The following ZNF771 variants were observed in gnomAD, a reference collection of about 807,000 sequenced individuals.
ZNF771 encodes the protein zinc finger protein 771, also known as mesenchymal stem cell protein DSC43.
Under a neutral mutation model 27.6 loss-of-function variants are expected in ZNF771, and 10 were observed. The ratio of observed to expected loss-of-function variants is 0.36; its 90% confidence interval spans 0.22 to 0.61. The LOEUF (loss-of-function observed/expected upper bound fraction) is 0.61, where lower values mean the gene tolerates loss of function less well. Among genes scored for constraint, ZNF771 ranks in the 20% least tolerant of loss-of-function variants. The probability of loss-of-function intolerance (pLI) is 0.70; values close to 1 mark genes in which losing one functional copy is unlikely to be tolerated. For synonymous variants in ZNF771, 261 were observed against 225.2 expected, an observed-to-expected ratio of 1.16 and a Z score of -1.43; for missense variants, 438 against 503.7, an observed-to-expected ratio of 0.87 and a Z score of 1.25.
In ZNF771 at chr16:30,417,722, G is replaced by A; in HGVS notation, c.309G>A (p.Lys103=). Residue 103 remains lysine, a synonymous_variant, in exon 3 of 3, where the codon AAG becomes AAA. Transcript: ENST00000319296. ...CTECGRRFSQ[K]SALTKHGRTH... Reference sequence around the variant, plus strand: ...AGTGCGGGCGGCGCTTCTCACAGAAGTCGGCGCTGACCAAACACGGCCGCA... The same window carrying A: ...AGTGCGGGCGGCGCTTCTCACAGAAATCGGCGCTGACCAAACACGGCCGCA... 3 of 1,393,412 alleles carry A rather than the reference G, an allele frequency of 2.2e-6. No homozygotes were observed. The highest frequency in any genetic ancestry group is 2.8e-6 in the Non-Finnish European group (3 of 1,078,064). 86.3% of individuals were successfully genotyped at this position (1,393,412 alleles called of 1,614,324 possible).
At chr16:30,409,362 G>A (rs2050092433) in intron 2 of ZNF771, among the ~76,000 whole-genome samples, 2 of 152,150 alleles carry the variant, frequency 1.3e-5, no homozygotes, top group Admixed American at 1.3e-4. Flanking sequence ...TAGTGTGGAT[G>A]AGTGGGGGTG....
chr16:30,415,919 G>C (rs1477683927), intron 2 of ZNF771, among the ~76,000 whole-genome samples: 3 of 152,128 alleles, frequency 2.0e-5, no homozygotes, highest in Non-Finnish European at 4.4e-5. Flanking sequence ...ACTCTTCACT[G>C]TTAGTCCAGA....
Position 30,418,273 on chromosome 16 carries a change from A to G in ZNF771, c.860A>G (p.Tyr287Cys). ...HRRAHMRRRL[Y>C]ICAGCGRDFK... ...CGCGCGCACATGCGGCGCCGCCTGTATATTTGCGCCGGCTGCGGCAGGGAC... is the reference window on the plus strand; with the variant it reads ...CGCGCGCACATGCGGCGCCGCCTGTGTATTTGCGCCGGCTGCGGCAGGGAC... Residue 287 changes from tyrosine (Y) to cysteine (C), a missense_variant, in exon 3 of 3, where the codon TAT (tyrosine) becomes TGT (cysteine). By Grantham distance (194) the Tyr-to-Cys change is radical. Around this residue, in one of 3 missense-constraint regions of ZNF771, gnomAD observed 305 missense variants for 308.0 expected, o/e 0.99. Coordinates refer to ENST00000319296, the MANE Select transcript of ZNF771 (RefSeq NM_001142305.2). 1 of 1,510,582 alleles carries G rather than the reference A, an allele frequency of 6.6e-7. No individual in the cohort carries two copies. Among genetic ancestry groups the G allele is most frequent in the Non-Finnish European group, 8.8e-7 (1 of 1,136,232 alleles). 93.6% of individuals were successfully genotyped at this position (1,510,582 alleles called of 1,614,324 possible).
In ZNF771 at chr16:30,414,946, C is replaced by CTTTT. The variant is rs71149016; in HGVS notation, c.142-2583_142-2580dup. 9.8e-3 allele frequency among the ~76,000 whole-genome samples: 580 copies of CTTTT among 59,466 alleles called. 136 individuals carry two copies. Among genetic ancestry groups the CTTTT allele is most frequent in the African/African-American group, 0.022 (274 of 12,378 alleles). 39.0% of individuals were successfully genotyped at this position (59,466 alleles called of 152,430 possible). A position where few individuals can be genotyped will look rare whatever the true frequency, so the allele number is the denominator to read the frequency against. ...AGGCGTGAGCCACCGCGCCCGGCCT[C>CTTTT]TTTTTTTTTTTTTTTTTTTTTTTTT... On this transcript the variant is annotated intron_variant, in intron 2 of 2. Coordinates refer to ENST00000319296, the MANE Select transcript of ZNF771 (RefSeq NM_001142305.2).
At chr16:30,417,446 A>T (rs994752800) in intron 2 of ZNF771, 109 bp from the exon 3 acceptor site, 3 of 730,598 alleles carry the variant, frequency 4.1e-6, no homozygotes, top group Non-Finnish European at 5.5e-6. Flanking sequence ...GGCCTTTCCT[A>T]TTTCATAGAT....
chr16:30,412,673 C>A (rs1177697496), intron 2 of ZNF771, among the ~76,000 whole-genome samples: 2 of 152,016 alleles, frequency 1.3e-5, no homozygotes, highest in African/African-American at 4.8e-5. Flanking sequence ...ACCCCTGTAG[C>A]GCCAGCTATT....
chr16:30,410,442 T>A (rs1346063915), intron 2 of ZNF771, among the ~76,000 whole-genome samples: 1 of 150,878 alleles, frequency 6.6e-6, no homozygotes, highest in African/African-American at 2.4e-5. Context: ...CCATGAGAAC[T>A]GGGGTTGATC....
At chr16:30,408,232 A>G (rs1384147238) in intron 2 of ZNF771, 38 bp downstream of exon 2, 8 of 1,613,048 alleles carry the variant, frequency 5.0e-6, no homozygotes, top group Non-Finnish European at 6.8e-6. Flanking sequence ...ACTGTCCCCA[A>G]ACCTGGTCCA....
At position 30,417,446 on chromosome 16, in the gene ZNF771, A is replaced by G. The variant is rs994752800; in HGVS notation, c.142-109A>G. On this transcript the variant is annotated intron_variant, in intron 2 of 2. Transcript: ENST00000319296. ...GGGAGGCAGCACCGTGGCCTTTCCT[A>G]TTTCATAGATGGGGAACTGAGGCTC... The G allele has an allele frequency of 1.4e-5, 10 of 730,602 alleles. No individual in the cohort carries two copies. In the Admixed American group the frequency reaches 1.4e-4, roughly 10 times the overall value. The allele number at this position is 730,602 out of a possible 1,614,324, so 45.3% of individuals were successfully genotyped here.
intron 2 of ZNF771, among the ~76,000 whole-genome samples, chr16:30,411,492 G>C (rs1192230333): frequency 1.3e-5 from 2 of 152,274 alleles, no homozygotes; most frequent in African/African-American, 4.8e-5. Flanking sequence ...GTGCGGTGAA[G>C]GTCTGACATG....
intron 2 of ZNF771, chr16:30,413,567 G>T (rs1290607479): frequency 9.4e-6 from 4 of 423,440 alleles, no homozygotes; most frequent in African/African-American, 8.2e-5. Flanking sequence ...GAAATTTTGG[G>T]TTTTTTTTTC....
At chr16:30,414,170 GATGT>G (rs756207014) in intron 2 of ZNF771, 1 of 152,182 alleles carries the variant, frequency 6.6e-6, no homozygotes, top group Non-Finnish European at 1.5e-5. Flanking sequence ...CACAGTGGCT[GATGT>G]ATTGAAATAA....
At chr16:30,411,278 C>T (rs182273613) in intron 2 of ZNF771, among the ~76,000 whole-genome samples, 13 of 151,246 alleles carry the variant, frequency 8.6e-5, no homozygotes, top group Admixed American at 5.3e-4. Context: ...GAGATTGCAC[C>T]GCTGCACTCC....
At position 30,418,545 on chromosome 16, in the gene ZNF771, C is replaced by T; in HGVS notation, c.*178C>T. The T allele has an allele frequency of 1.8e-6, 1 of 550,244 alleles. No individual in the cohort carries two copies. The highest frequency in any genetic ancestry group is 3.0e-6 in the Non-Finnish European group (1 of 330,840). The allele number at this position is 550,244 out of a possible 1,614,324, so 34.1% of individuals were successfully genotyped here. On this transcript the variant is annotated 3_prime_UTR_variant, in exon 3 of 3. Coordinates refer to ENST00000319296, the MANE Select transcript of ZNF771 (RefSeq NM_001142305.2). ...GTCCCTGGAAACAGTGCCCACCCCA[C>T]ATCACTACATTCCCTCGGCCCGTGT...
Position 30,417,840 on chromosome 16 carries a change from G to A in ZNF771, c.427G>A (p.Gly143Ser), listed in dbSNP as rs1243636875. The A allele has an allele frequency of 6.6e-7, 1 of 1,505,282 alleles. No individual in the cohort carries two copies. Among genetic ancestry groups the A allele is most frequent in the South Asian group, 1.2e-5 (1 of 80,784 alleles). 93.2% of individuals were successfully genotyped at this position (1,505,282 alleles called of 1,614,324 possible). Reference protein sequence around the residue: ...NLRQHRRRHTGEKPYACAHCG... With the variant: ...NLRQHRRRHTSEKPYACAHCG... ...GCGGCAGCACCGGCGGCGGCACACG[G>A]GCGAGAAGCCGTACGCATGCGCGCA... The change falls in exon 3 of 3, where the codon GGC (glycine) becomes AGC (serine). Residue 143 changes from glycine (G) to serine (S), a missense_variant. By Grantham distance (56) the Gly-to-Ser change is moderately conservative. Around this residue, in one of 3 missense-constraint regions of ZNF771, gnomAD observed 305 missense variants for 308.0 expected, o/e 0.99. Transcript: ENST00000319296.
chr16:30,408,023 C>T, intron 1 of ZNF771, 22 bp from the exon 2 acceptor site: 6 of 1,306,742 alleles, frequency 4.6e-6, no homozygotes, highest in East Asian at 6.6e-5. Flanking sequence ...TCCTGAGCTT[C>T]TGATCCAGCT....
intron 2 of ZNF771, among the ~76,000 whole-genome samples, chr16:30,411,004 C>T (rs931841507): frequency 6.6e-6 from 1 of 150,634 alleles, no homozygotes; most frequent in East Asian, 2.0e-4. Flanking sequence ...GCCTGGGCAA[C>T]AGAGAGAGAC....
intron 2 of ZNF771, among the ~76,000 whole-genome samples, chr16:30,415,632 C>T (rs1284585500): frequency 6.6e-6 from 1 of 152,144 alleles, no homozygotes; most frequent in South Asian, 2.1e-4. Context: ...CCACCTGCCT[C>T]GGCCTCCCAA....
intron 2 of ZNF771, among the ~76,000 whole-genome samples, chr16:30,412,557 C>T (rs7404540): frequency 0.28 from 42,385 of 151,978 alleles, 6,211 homozygotes; most frequent in South Asian, 0.43. Flanking sequence ...CTTTTGGAGG[C>T]TGAGGCAGGA....
Sources: allele counts gnomAD v4.1 joint callset (sites outside exome capture counted in the v4.1 genomes callset), GRCh38; gene constraint gnomAD v4.1.1; regional missense constraint gnomAD v4.1.1; transcripts MANE v1.5; gene names NCBI Gene and HGNC (gene_info 2026-07-23, HGNC 2026-07-21).